Variants in ACYP1 observed in about 807,000 individuals in gnomAD.
ACYP1 encodes acylphosphatase 1.
Under a neutral mutation model 10.4 loss-of-function variants are expected in ACYP1, and 8 were observed. That is an observed-to-expected ratio of 0.77 (90% CI 0.45 to 1.38). ACYP1 has a LOEUF of 1.38. ACYP1 is among the 40% of genes most tolerant of loss of function. ACYP1 has a pLI of 0.00. For synonymous variants in ACYP1, 38 were observed against 40.8 expected (o/e 0.93, Z 0.26); for missense variants, 93 against 117.3 (o/e 0.79, Z 0.96).
At chr14:75,062,156 T>C (rs374807894) in intron 2 of ACYP1, among the ~76,000 whole-genome samples, 1 of 132,238 alleles carries the variant, frequency 7.6e-6, no homozygotes, top group African/African-American at 3.0e-5. Context: ...ATTGGCTGGG[T>C]ATGGTCACTC....
At chr14:75,069,202 A>G in intron 1 of ACYP1, 1 of 1,516,544 alleles carries the variant, frequency 6.6e-7, no homozygotes, top group Non-Finnish European at 8.8e-7. Flanking sequence ...GCGCGCGTGC[A>G]GCCATACCTG....
At chr14:75,053,760 A>T (rs991104783) in intron 2 of ACYP1, 101 bp from the exon 3 acceptor site, 31 of 1,067,662 alleles carry the variant, frequency 2.9e-5, no homozygotes, top group Non-Finnish European at 4.2e-5. Flanking sequence ...AAGCCACTGA[A>T]ACTAATTTGA....
Position 75,053,424 on chromosome 14 carries a change from G to C in ACYP1, c.*20C>G, listed in dbSNP as rs756606444. On this transcript the variant is annotated 3_prime_UTR_variant, in exon 3 of 3. Transcript: ENST00000238618. ...AAACCAAACCACTGAGTTTATCTTA[G>C]AAAACTTAAATTCAGGCCATTATTT... 8 of 1,606,486 alleles carry C rather than the reference G, an allele frequency of 5.0e-6. No homozygotes were observed. In the South Asian group the frequency reaches 7.7e-5, roughly 15 times the overall value.
chr14:75,069,243 G>A (rs1893233691), exon 1 of ACYP1: 1 of 1,501,672 alleles, frequency 6.7e-7, no homozygotes, highest in Non-Finnish European at 8.8e-7. Flanking sequence ...AGCGCGCGGA[G>A]AAAGGCCAGC....
chr14:75,053,749 C>A (rs1594790351), intron 2 of ACYP1, 90 bp from the exon 3 acceptor site: 3 of 1,240,194 alleles, frequency 2.4e-6, no homozygotes. Flanking sequence ...GGCCTAGAAT[C>A]AAGCCACTGA....
upstream of ACYP1, among the ~76,000 whole-genome samples, chr14:75,065,973 T>C (rs74780941): frequency 1.1e-3 from 168 of 152,310 alleles, no homozygotes; most frequent in African/African-American, 3.7e-3. Context: ...AAGTAGCCAG[T>C]TGTGGCTAGA....
At chr14:75,061,602 C>A in intron 2 of ACYP1, 1 of 923,910 alleles carries the variant, frequency 1.1e-6, no homozygotes, top group Non-Finnish European at 1.6e-6. Context: ...CTATGCATAC[C>A]ACTATCTGAC....
upstream of ACYP1, among the ~76,000 whole-genome samples, chr14:75,065,591 A>G (rs921478561): frequency 6.6e-6 from 1 of 152,238 alleles, no homozygotes; most frequent in African/African-American, 2.4e-5. Context: ...ATATACAAAG[A>G]TGAATGATAT....
Position 75,053,536 on chromosome 14 carries a change from C to G in ACYP1, c.208G>C (p.Gly70Arg). The change falls in exon 3 of 3, where the codon GGA becomes CGA. Residue 70 changes from glycine to arginine, a missense_variant. Transcript: ENST00000238618. The stretch of plus-strand genomic sequence containing the variant: ...TTGTCGATGTGTGATTTAGGACTTC[C>G]TCTTGTTTCAAGCCATTCCTGCATA... ...RHMQEWLETR[G>R]SPKSHIDKAN... 3 of 1,614,140 alleles carry G rather than the reference C, an allele frequency of 1.9e-6. No individual in the cohort carries two copies. Among genetic ancestry groups the G allele is most frequent in the Non-Finnish European group, 2.5e-6 (3 of 1,180,034 alleles).
chr14:75,058,926 G>A (rs773589548), intron 2 of ACYP1, among the ~76,000 whole-genome samples: 2 of 152,142 alleles, frequency 1.3e-5, no homozygotes, highest in Admixed American at 6.5e-5. Flanking sequence ...GCGGCTGGGC[G>A]CGGTGGCTCA....
At chr14:75,062,304 A>C (rs1426926113) in intron 2 of ACYP1, among the ~76,000 whole-genome samples, 1 of 150,158 alleles carries the variant, frequency 6.7e-6, no homozygotes, top group African/African-American at 2.4e-5. Flanking sequence ...GGCGGCATGC[A>C]CCTGTGGTCC....
intron 2 of ACYP1, chr14:75,062,945 A>G (rs1442611384): frequency 6.5e-6 from 1 of 154,286 alleles, no homozygotes; most frequent in Non-Finnish European, 1.4e-5. Context: ...AGAGTTTTTA[A>G]TAAGAAAAAC....
In ACYP1 at chr14:75,053,370, C is replaced by A; in HGVS notation, c.*74G>T. 7.5e-7 allele frequency: 1 copy of A among 1,330,070 alleles called. No homozygotes were observed. The highest frequency in any genetic ancestry group is 1.1e-6 in the Non-Finnish European group (1 of 932,144). 82.4% of individuals were successfully genotyped at this position (1,330,070 alleles called of 1,614,324 possible). On this transcript the variant is annotated 3_prime_UTR_variant, in exon 3 of 3. Coordinates refer to ENST00000238618, the MANE Select transcript of ACYP1 (RefSeq NM_001107.5). ...TTATTGACTAATGCTAATATTAACA[C>A]ACAATAGTTCTATCTCTATTAATAA...
chr14:75,053,761 A>T, intron 2 of ACYP1, 102 bp from the exon 3 acceptor site: 1 of 1,067,432 alleles, frequency 9.4e-7, no homozygotes, highest in Non-Finnish European at 1.4e-6. Context: ...AGCCACTGAA[A>T]CTAATTTGAT....
chr14:75,053,253 A>T lies in ACYP1; in HGVS notation c.*191T>A. The T allele has an allele frequency of 3.3e-6, 2 of 600,206 alleles. No individual in the cohort carries two copies. The highest frequency in any genetic ancestry group is 4.1e-5 in the South Asian group (2 of 48,492). The allele number at this position is 600,206 out of a possible 1,614,324, so 37.2% of individuals were successfully genotyped here. A position where few individuals can be genotyped will look rare whatever the true frequency, so the allele number is the denominator to read the frequency against. On this transcript the variant is annotated 3_prime_UTR_variant, in exon 3 of 3. Coordinates refer to ENST00000238618, the MANE Select transcript of ACYP1 (RefSeq NM_001107.5). ...AAAGTACTCTAAGCAGAAGGTTCTAACGTTTTTATTGATTAGATTTGTGTA... is the reference window on the plus strand; with the variant it reads ...AAAGTACTCTAAGCAGAAGGTTCTATCGTTTTTATTGATTAGATTTGTGTA...
At chr14:75,058,828 C>T (rs1892947456) in intron 2 of ACYP1, among the ~76,000 whole-genome samples, 3 of 152,166 alleles carry the variant, frequency 2.0e-5, no homozygotes, top group African/African-American at 7.2e-5. Context: ...GCTGGATTTC[C>T]TACCTCACAT....
chr14:75,060,396 T>C (rs1451313902), intron 2 of ACYP1: 1 of 532,498 alleles, frequency 1.9e-6, no homozygotes, highest in Non-Finnish European at 3.3e-6. Context: ...GAGAACATAA[T>C]ATGGTATAGC....
At chr14:75,057,278 G>A in intron 2 of ACYP1, among the ~76,000 whole-genome samples, 1 of 151,298 alleles carries the variant, frequency 6.6e-6, no homozygotes, top group Non-Finnish European at 1.5e-5. Context: ...AGAGTGTCTA[G>A]GAATAAATTT....
At chr14:75,063,299 C>T in intron 2 of ACYP1, 171 bp downstream of exon 2, 1 of 605,562 alleles carries the variant, frequency 1.7e-6, no homozygotes, top group Non-Finnish European at 3.0e-6. Flanking sequence ...TCCATTTACA[C>T]CATGTTTTAC....
Sources: allele counts gnomAD v4.1 joint callset (sites outside exome capture counted in the v4.1 genomes callset), GRCh38; gene constraint gnomAD v4.1.1; transcripts MANE v1.5; gene names NCBI Gene and HGNC (gene_info 2026-07-23, HGNC 2026-07-21).